The following PGR variants were observed in gnomAD, a reference collection of about 807,000 sequenced individuals.
PGR encodes the protein progesterone receptor, also known as nuclear receptor subfamily 3 group C member 3.
In PGR, 25 loss-of-function variants were observed where a neutral mutation model predicts 76.1. The ratio of observed to expected loss-of-function variants is 0.33; its 90% CI spans 0.24 to 0.46. The LOEUF is 0.46. PGR is among the 20% of genes least tolerant of loss of function. The pLI, the probability that PGR is intolerant of heterozygous loss-of-function variation, is 1.00. For missense variants in PGR, 1,172 were observed against 1,225.3 expected, an observed-to-expected ratio of 0.96 and a Z score of 0.65; for synonymous variants, 579 against 535.0, an observed-to-expected ratio of 1.08 and a Z score of -1.14.
chr11:101,120,778 A>G lies in PGR; in HGVS notation c.1789+5229T>C, dbSNP rs557426827. On this transcript the variant is annotated intron_variant, in intron 2 of 7. Transcript: ENST00000325455. The stretch of plus-strand genomic sequence containing the variant: ...AGAGGACTTAAGCCTTATTGATAAC[A>G]TTTTCATTTTTTAAAGGAGATGGAT... 2.0e-5 allele frequency among the ~76,000 whole-genome samples: 3 copies of G among 152,254 alleles called. No homozygotes were observed. In the East Asian group the frequency reaches 5.8e-4, roughly 29 times the overall value.
intron 3 of PGR, among the ~76,000 whole-genome samples, chr11:101,081,324 G>A (rs1387326851): frequency 1.3e-5 from 2 of 152,014 alleles, no homozygotes; most frequent in African/African-American, 4.8e-5. Context: ...AGCTACTCGG[G>A]AGGTTGAGGC....
At position 101,039,231 on chromosome 11, in the gene PGR, A is replaced by G. The variant is rs779269246; in HGVS notation, c.2687T>C (p.Ile896Thr). 1.2e-6 allele frequency: 2 copies of G among 1,611,544 alleles called. No homozygotes were observed. The highest frequency in any genetic ancestry group is 1.3e-5 in the African/African-American group (1 of 74,808). ...QLHLYCLNTF[I>T]QSRALSVEFP... ...TTCAACACTCAGTGCCCGGGACTGGATAAATGTATTCAAGCAGTACAGATG... is the reference window on the plus strand; with the variant it reads ...TTCAACACTCAGTGCCCGGGACTGGGTAAATGTATTCAAGCAGTACAGATG... Residue 896 changes from isoleucine (I) to threonine (T), a missense_variant, in exon 8 of 8, where the codon ATC becomes ACC. Physicochemically the swap from Ile to Thr is moderately conservative, Grantham distance 89. Coordinates refer to ENST00000325455, the MANE Select transcript of PGR (RefSeq NM_000926.4).
At chr11:101,112,536 G>GT (rs1441489529) in intron 2 of PGR, among the ~76,000 whole-genome samples, 3 of 152,100 alleles carry the variant, frequency 2.0e-5, no homozygotes, top group East Asian at 3.9e-4. Context: ...ATTTCAGAAA[G>GT]TTTTTTTCCG....
chr11:101,127,791 G>A lies in PGR; in HGVS notation c.1280C>T (p.Pro427Leu). The A allele has an allele frequency of 6.4e-7, 1 of 1,564,846 alleles. No homozygotes were observed. The highest frequency in any genetic ancestry group is 2.3e-5 in the East Asian group (1 of 43,154). The change falls in exon 1 of 8, where the codon CCG becomes CTG. Residue 427 changes from proline to leucine, a missense_variant. This residue lies in a region of PGR where 893 missense variants were observed against 785.9 expected (regional missense o/e 1.14). Transcript: ENST00000325455. ...CCCGGGTCTGGATGGGGTCGCTCGC[G>A]GCGGCAGCGGGGGCGGTGGCCCCAA... is the stretch of plus-strand genomic sequence containing the variant. ...FPLGPPPPLP[P>L]RATPSRPGEA...
chr11:101,087,755 C>T (rs57770872), intron 3 of PGR, among the ~76,000 whole-genome samples: 2,891 of 151,364 alleles, frequency 0.019, 71 homozygotes, highest in African/African-American at 0.054. Flanking sequence ...AAAAATCTCA[C>T]CAAAAAAATG....
At chr11:101,075,432 A>T (rs1045193222) in intron 3 of PGR, among the ~76,000 whole-genome samples, 1 of 152,154 alleles carries the variant, frequency 6.6e-6, no homozygotes, top group Non-Finnish European at 1.5e-5. Flanking sequence ...TGACTAAAAC[A>T]CCAAAAGCAA....
chr11:101,095,286 G>C (rs759379998), intron 2 of PGR, among the ~76,000 whole-genome samples: 4 of 152,086 alleles, frequency 2.6e-5, no homozygotes, highest in Non-Finnish European at 5.9e-5. Flanking sequence ...AAATTAAAAT[G>C]CCATCTTAAT....
chr11:101,086,519 G>A (rs898109925), intron 3 of PGR, among the ~76,000 whole-genome samples: 2 of 152,116 alleles, frequency 1.3e-5, no homozygotes, highest in Non-Finnish European at 2.9e-5. Flanking sequence ...AATTTTCCTT[G>A]AGATCTGGAA....
At chr11:101,081,076 A>G (rs550127278) in intron 3 of PGR, among the ~76,000 whole-genome samples, 1 of 152,262 alleles carries the variant, frequency 6.6e-6, no homozygotes, top group South Asian at 2.1e-4. Context: ...ATTCAAGAAA[A>G]CTTTCCTAAT....
At chr11:101,084,959 T>A (rs1565350540) in intron 3 of PGR, among the ~76,000 whole-genome samples, 1 of 152,124 alleles carries the variant, frequency 6.6e-6, no homozygotes, top group Non-Finnish European at 1.5e-5. Flanking sequence ...CCCAGATTCA[T>A]AAAACAAGGA....
In PGR at chr11:101,126,119, G is replaced by C; in HGVS notation, c.1677C>G (p.Phe559Leu). ...SEASQSPQYS[F>L]ESLPQKICLI... ...AACAAATCTTCTGAGGTAATGACTCGAAGCTGTATTGTGGGCTCTGGCTGG... is the reference window on the plus strand; with the variant it reads ...AACAAATCTTCTGAGGTAATGACTCCAAGCTGTATTGTGGGCTCTGGCTGG... The change falls in exon 2 of 8, where the codon TTC becomes TTG. Residue 559 changes from phenylalanine to leucine, a missense_variant. Coordinates refer to ENST00000325455, the MANE Select transcript of PGR (RefSeq NM_000926.4). 1.9e-6 allele frequency: 3 copies of C among 1,614,016 alleles called. No homozygotes were observed. The highest frequency in any genetic ancestry group is 1.7e-6 in the Non-Finnish European group (2 of 1,179,920).
In PGR at chr11:101,056,547, G is replaced by A. The variant is rs527747501; in HGVS notation, c.2213-4979C>T. 3.3e-5 allele frequency among the ~76,000 whole-genome samples: 5 copies of A among 151,108 alleles called. No individual in the cohort carries two copies. The East Asian group carries it at 1.0e-3, about 30-fold the overall frequency. The stretch of plus-strand genomic sequence containing the variant: ...TGAAGTTACTGGGGAGGCTGAAGCA[G>A]GACGATGGCTTGAGCCCAGGAGTTC... On this transcript the variant is annotated intron_variant, in intron 4 of 7. Coordinates refer to ENST00000325455, the MANE Select transcript of PGR (RefSeq NM_000926.4).
Position 101,038,378 on chromosome 11 carries a change from G to C in PGR, c.*738C>G, listed in dbSNP as rs914402164. 1 of 211,482 alleles carries C rather than the reference G, an allele frequency of 4.7e-6. No homozygotes were observed. Among genetic ancestry groups the C allele is most frequent in the African/African-American group, 2.3e-5 (1 of 44,192 alleles). 13.1% of individuals were successfully genotyped at this position (211,482 alleles called of 1,614,324 possible). ...ATCTTCTGATTTCTTATGTCCACTC[G>C]CAATACCTCATTAGAGGACAATTCT... On this transcript the variant is annotated 3_prime_UTR_variant, in exon 8 of 8. Transcript: ENST00000325455.
At chr11:101,060,513 T>G (rs1860453363) in intron 4 of PGR, among the ~76,000 whole-genome samples, 1 of 152,210 alleles carries the variant, frequency 6.6e-6, no homozygotes, top group Admixed American at 6.6e-5. Flanking sequence ...TAAGCTTATT[T>G]CAAGTCAATT....
chr11:101,102,704 C>T (rs1862030606), intron 2 of PGR, among the ~76,000 whole-genome samples: 1 of 151,890 alleles, frequency 6.6e-6, no homozygotes, highest in Non-Finnish European at 1.5e-5. Flanking sequence ...TATTAGAGAC[C>T]AATATACTAA....
chr11:101,051,381 A>G (rs657516), intron 5 of PGR, 43 bp downstream of exon 5: 97,173 of 1,316,930 alleles, frequency 0.074, 4,168 homozygotes, highest in East Asian at 0.18. Flanking sequence ...ATTATCCTAC[A>G]TGTACACTTA....
At chr11:101,091,723 T>C in intron 3 of PGR, 37 bp downstream of exon 3, 1 of 988,608 alleles carries the variant, frequency 1.0e-6, no homozygotes, top group Non-Finnish European at 1.6e-6. Flanking sequence ...AGTATAAAGA[T>C]TACACAGTAT....
chr11:101,070,072 A>C (rs1271189374), intron 3 of PGR, among the ~76,000 whole-genome samples: 1 of 151,908 alleles, frequency 6.6e-6, no homozygotes, highest in Non-Finnish European at 1.5e-5. Context: ...TGTAGCTCCC[A>C]ACGCGATCAA....
intron 3 of PGR, among the ~76,000 whole-genome samples, chr11:101,090,199 AAAAT>A (rs11571186): frequency 6.6e-6 from 1 of 151,770 alleles, no homozygotes; most frequent in Non-Finnish European, 1.5e-5. Flanking sequence ...CTCTGTCTCA[AAAAT>A]AAATAAATAA....
Sources: gnomAD v4.1 joint callset for allele counts (sites outside exome capture counted in the v4.1 genomes callset) on GRCh38, gnomAD v4.1.1 for gene constraint, gnomAD v4.1.1 regional missense constraint, MANE v1.5 for transcripts, NCBI Gene and HGNC (gene_info 2026-07-23, HGNC 2026-07-21) for gene names.